ROBO1: variants seen among roughly 807,000 people sequenced by gnomAD.
ROBO1 encodes roundabout homolog 1.
In ROBO1, 149 loss-of-function variants were observed where a neutral mutation model predicts 195.9. The ratio of observed to expected loss-of-function variants is 0.76; its 90% CI spans 0.67 to 0.87. The LOEUF is 0.87. Ranked by LOEUF, ROBO1 falls within the 40% of genes least tolerant of loss-of-function variation. ROBO1 has a pLI of 0.00. For missense variants in ROBO1, 1,933 were observed against 2,068.3 expected (o/e 0.93, Z 1.27); for synonymous variants, 816 against 733.2 (o/e 1.11, Z -1.82).
intron 2 of ROBO1, among the ~76,000 whole-genome samples, chr3:79,584,639 ATGT>A (rs1943767270): frequency 1.6e-5 from 2 of 126,694 alleles, no homozygotes; most frequent in Admixed American, 1.5e-4. Context: ...GTGTGTGTGT[ATGT>A]TCATACACAC....
chr3:79,599,276 C>T (rs1188301999), intron 1 of ROBO1, among the ~76,000 whole-genome samples: 1 of 151,978 alleles, frequency 6.6e-6, no homozygotes, highest in African/African-American at 2.4e-5. Context: ...TCTACTTAAT[C>T]TTTGACATCT....
chr3:79,441,257 T>A (rs1257213402), intron 2 of ROBO1, among the ~76,000 whole-genome samples: 2 of 151,882 alleles, frequency 1.3e-5, no homozygotes, highest in Non-Finnish European at 2.9e-5. Flanking sequence ...ATTCAAGGAG[T>A]CTTGACAATT....
At chr3:79,534,952 T>G (rs1161164086) in intron 2 of ROBO1, among the ~76,000 whole-genome samples, 1 of 152,168 alleles carries the variant, frequency 6.6e-6, no homozygotes, top group Non-Finnish European at 1.5e-5. Context: ...TCTGCTTAGT[T>G]TGATGTTTGC....
chr3:79,225,535 C>T (rs751975764), intron 2 of ROBO1, among the ~76,000 whole-genome samples: 3 of 152,070 alleles, frequency 2.0e-5, no homozygotes, highest in Non-Finnish European at 2.9e-5. Context: ...TCTCTGTCTC[C>T]TTGTCTTAAC....
chr3:78,893,248 T>G (rs1469959616), intron 4 of ROBO1, among the ~76,000 whole-genome samples: 2 of 152,220 alleles, frequency 1.3e-5, no homozygotes, highest in Admixed American at 6.5e-5. Flanking sequence ...ATGGGGTGAT[T>G]AGGCCATGAG....
In ROBO1 at chr3:79,114,404, C is replaced by A. The variant is rs538080690; in HGVS notation, c.172+11052G>T. On this transcript the variant is annotated intron_variant, in intron 3 of 30. Transcript: ENST00000464233. ...AACAATACTAAAAACATTTTGCTTTCGCTTTGCAGATATAGTAGCATATAT... is the reference window on the plus strand; with the variant it reads ...AACAATACTAAAAACATTTTGCTTTAGCTTTGCAGATATAGTAGCATATAT... Among the ~76,000 whole-genome samples, 8 of 152,278 alleles carry A rather than the reference C, an allele frequency of 5.3e-5. No individual in the cohort carries two copies. In the East Asian group the frequency reaches 1.5e-3, roughly 29 times the overall value.
intron 2 of ROBO1, among the ~76,000 whole-genome samples, chr3:79,235,032 C>T (rs2082383395): frequency 6.6e-6 from 1 of 152,060 alleles, no homozygotes; most frequent in Non-Finnish European, 1.5e-5. Flanking sequence ...CACATTTGAA[C>T]TAAGTTCAAA....
intron 1 of ROBO1, among the ~76,000 whole-genome samples, chr3:79,659,217 C>T (rs1310239875): frequency 6.6e-6 from 1 of 151,964 alleles, no homozygotes; most frequent in Non-Finnish European, 1.5e-5. Flanking sequence ...TGCAACTAAA[C>T]ATGATGCTTA....
chr3:78,656,955 G>C, intron 18 of ROBO1, 143 bp downstream of exon 18: 1 of 733,844 alleles, frequency 1.4e-6, no homozygotes, highest in South Asian at 2.3e-5. Flanking sequence ...ATTAAGTAAA[G>C]CTAACACCTT....
chr3:78,599,853 T>C (rs914870030), intron 30 of ROBO1, among the ~76,000 whole-genome samples: 4 of 152,240 alleles, frequency 2.6e-5, no homozygotes, highest in African/African-American at 9.6e-5. Flanking sequence ...GTGTTTGCCA[T>C]ATATGTTTCT....
At chr3:79,026,573 G>A (rs1336793956) in intron 3 of ROBO1, among the ~76,000 whole-genome samples, 4 of 151,928 alleles carry the variant, frequency 2.6e-5, no homozygotes, top group Non-Finnish European at 5.9e-5. Context: ...ACTCTAATGA[G>A]ATGACATGAA....
intron 2 of ROBO1, among the ~76,000 whole-genome samples, chr3:79,160,860 C>G (rs1314570546): frequency 2.0e-5 from 3 of 151,862 alleles, no homozygotes; most frequent in Admixed American, 2.0e-4. Context: ...CTAAGCCTCA[C>G]CCCCCCAACC....
chr3:78,833,725 C>T (rs1403061593), intron 4 of ROBO1, among the ~76,000 whole-genome samples: 2 of 152,068 alleles, frequency 1.3e-5, no homozygotes, highest in Middle Eastern at 3.4e-3. Flanking sequence ...GATTTAGGTG[C>T]TTATGGTAAA....
chr3:78,699,526 G>A lies in ROBO1; in HGVS notation c.1046-10754C>T, dbSNP rs186639605. ...GGAGGTTGCAGTGAGTCAAGATCAC[G>A]CCACTGTGCTCCAGCCTGGGTGACA... On this transcript the variant is annotated intron_variant, in intron 8 of 30. Coordinates refer to ENST00000464233, the MANE Select transcript of ROBO1 (RefSeq NM_002941.4). Among the ~76,000 whole-genome samples, 5 of 150,668 alleles carry A rather than the reference G, an allele frequency of 3.3e-5. No homozygotes were observed. The Admixed American group carries it at 3.3e-4, about 10-fold the overall frequency.
intron 1 of ROBO1, among the ~76,000 whole-genome samples, chr3:79,626,163 T>C (rs1421941817): frequency 6.6e-6 from 1 of 152,124 alleles, no homozygotes. Flanking sequence ...TTAAAAACTC[T>C]CAGCTGGGCA....
At chr3:78,944,002 GT>G (rs2040282065) in intron 3 of ROBO1, among the ~76,000 whole-genome samples, 1 of 152,130 alleles carries the variant, frequency 6.6e-6, no homozygotes, top group Non-Finnish European at 1.5e-5. Context: ...ATTATTATTT[GT>G]TATAAAGTCT....
At chr3:79,190,008 TTG>T (rs2108753310) in intron 2 of ROBO1, among the ~76,000 whole-genome samples, 1 of 151,806 alleles carries the variant, frequency 6.6e-6, no homozygotes, top group African/African-American at 2.4e-5. Context: ...TACAAATGAG[TTG>T]TGTTACAGAA....
intron 2 of ROBO1, among the ~76,000 whole-genome samples, chr3:79,381,292 G>T (rs771133120): frequency 4.2e-5 from 6 of 143,640 alleles, no homozygotes; most frequent in Non-Finnish European, 6.0e-5. Context: ...ATGAGGCAGA[G>T]GTTGCAGTGA....
chr3:79,019,422 A>G, intron 3 of ROBO1: 4 of 986,138 alleles, frequency 4.1e-6, no homozygotes, highest in Non-Finnish European at 4.8e-6. Flanking sequence ...CGGCGTCTGA[A>G]GTTTCTGCTC....
Sources: allele counts gnomAD v4.1 joint callset (sites outside exome capture counted in the v4.1 genomes callset), GRCh38; gene constraint gnomAD v4.1.1; transcripts MANE v1.5; gene names NCBI Gene and HGNC (gene_info 2026-07-23, HGNC 2026-07-21).